INTS14: variants seen among roughly 807,000 people sequenced by gnomAD.
INTS14 encodes UPF0464 protein C15orf44.
INTS14 carries 27 observed loss-of-function variants against 56.9 expected under a neutral mutation model. That is an observed-to-expected ratio of 0.47 (90% confidence interval 0.35 to 0.65). The LOEUF is 0.65. Among genes scored for constraint, INTS14 ranks in the 30% least tolerant of loss-of-function variants. INTS14 has a pLI of 0.00. For synonymous variants in INTS14, 207 were observed against 236.2 expected, an observed-to-expected ratio of 0.88 and a Z score of 1.13; for missense variants, 517 against 632.2, an observed-to-expected ratio of 0.82 and a Z score of 1.95.
chr15:65,599,737 T>C, intron 4 of INTS14, 37 bp downstream of exon 4: 4 of 1,605,118 alleles, frequency 2.5e-6, no homozygotes, highest in Non-Finnish European at 2.6e-6. Flanking sequence ...CTGTAAAATA[T>C]GCCTAATCAA....
chr15:65,608,514 G>A (rs577567759), intron 1 of INTS14, among the ~76,000 whole-genome samples: 1 of 151,912 alleles, frequency 6.6e-6, no homozygotes, highest in Non-Finnish European at 1.5e-5. Context: ...AAATAAAAAA[G>A]TTTACAGATA....
In INTS14 at chr15:65,581,547, C is replaced by CAAAAAAAA. The variant is rs57782914; in HGVS notation, c.1305+399_1305+406dup. On this transcript the variant is annotated intron_variant, in intron 11 of 11. Transcript: ENST00000313182. ...TGGGCAACAGAGTGTGACTCCATCT[C>CAAAAAAAA]AAAAAAAAAAAAAAAAAAAAAAAAA... is the stretch of plus-strand genomic sequence containing the variant. 5.2e-4 allele frequency among the ~76,000 whole-genome samples: 25 copies of CAAAAAAAA among 47,770 alleles called. 2 individuals carry two copies. The highest frequency in any genetic ancestry group is 1.8e-3 in the African/African-American group (22 of 11,936). 31.3% of individuals were successfully genotyped at this position (47,770 alleles called of 152,430 possible).
At chr15:65,580,187 C>T (rs527866935) in intron 11 of INTS14, among the ~76,000 whole-genome samples, 1 of 152,052 alleles carries the variant, frequency 6.6e-6, no homozygotes, top group African/African-American at 2.4e-5. Context: ...CCCCAACAAC[C>T]CCTTAGTGGA....
Position 65,607,376 on chromosome 15 carries a change from G to C in INTS14, c.5C>G (p.Pro2Arg). 3 of 1,614,098 alleles carry C rather than the reference G, an allele frequency of 1.9e-6. No individual in the cohort carries two copies. Among genetic ancestry groups the C allele is most frequent in the Non-Finnish European group, 2.5e-6 (3 of 1,180,030 alleles). Residue 2 changes from proline (P) to arginine (R), a missense_variant, in exon 2 of 12, where the codon CCG becomes CGG. Coordinates refer to ENST00000313182, the MANE Select transcript of INTS14 (RefSeq NM_001394796.1). M[P>R]TVVVMDVSLS... ...GGATACATCCATTACCACCACTGTCGGCATGATGAAAATGATCCCAGTGTT... is the reference window on the plus strand; with the variant it reads ...GGATACATCCATTACCACCACTGTCCGCATGATGAAAATGATCCCAGTGTT...
rs2073927452 is a variant in INTS14 at position 65,611,100 on chromosome 15, C to A, written c.-65G>T. The A allele has an allele frequency of 6.5e-7, 1 of 1,535,530 alleles. No homozygotes were observed. The highest frequency in any genetic ancestry group is 1.4e-5 in the African/African-American group (1 of 72,900). On this transcript the variant is annotated splice_region_variant and 5_prime_UTR_variant, in exon 1 of 12. Transcript: ENST00000313182. Reference sequence around the variant, plus strand: ...GGGCCCTCGGCCTCCCCACTCACCCCGTGCCCATCGCCGGACACAGTCCGT... The same window carrying A: ...GGGCCCTCGGCCTCCCCACTCACCCAGTGCCCATCGCCGGACACAGTCCGT...
chr15:65,598,210 A>AAT, intron 6 of INTS14, 111 bp downstream of exon 6: 1 of 1,112,316 alleles, frequency 9.0e-7, no homozygotes, highest in Non-Finnish European at 1.3e-6. Flanking sequence ...CCTGTACCAC[A>AAT]ATATATATTT....
intron 9 of INTS14, among the ~76,000 whole-genome samples, chr15:65,588,672 A>T (rs80289479): frequency 8.7e-5 from 11 of 125,756 alleles, no homozygotes; most frequent in African/African-American, 3.1e-4. Flanking sequence ...TGTCTCAATT[A>T]AAAAAAAAAA....
chr15:65,593,626 A>G (rs2073109331), intron 7 of INTS14, 54 bp from the exon 8 acceptor site: 1 of 1,577,270 alleles, frequency 6.3e-7, no homozygotes, highest in Non-Finnish European at 8.6e-7. Context: ...AAAACCCCAA[A>G]CCCCAATTTA....
At chr15:65,596,929 G>C (rs1210993404) in intron 6 of INTS14, among the ~76,000 whole-genome samples, 1 of 152,140 alleles carries the variant, frequency 6.6e-6, no homozygotes, top group Non-Finnish European at 1.5e-5. Flanking sequence ...CCTTAGCTGA[G>C]TAATAAATGC....
Position 65,607,372 on chromosome 15 carries a change from T to C in INTS14, c.9A>G (p.Thr3=). The change falls in exon 2 of 12, where the codon ACA becomes ACG. Residue 3 remains threonine, a synonymous_variant. Coordinates refer to ENST00000313182, the MANE Select transcript of INTS14 (RefSeq NM_001394796.1). MP[T]VVVMDVSLSM... ...AAAGGGATACATCCATTACCACCAC[T>C]GTCGGCATGATGAAAATGATCCCAG... 3 of 1,614,208 alleles carry C rather than the reference T, an allele frequency of 1.9e-6. No homozygotes were observed. Among genetic ancestry groups the C allele is most frequent in the Non-Finnish European group, 2.5e-6 (3 of 1,180,038 alleles).
chr15:65,604,050 C>T (rs748436604), intron 3 of INTS14, among the ~76,000 whole-genome samples: 2 of 152,184 alleles, frequency 1.3e-5, no homozygotes, highest in African/African-American at 4.8e-5. Flanking sequence ...ACTAATGTGG[C>T]CTACTGTGGA....
chr15:65,589,946 A>G (rs2072964258), intron 9 of INTS14, among the ~76,000 whole-genome samples: 2 of 152,114 alleles, frequency 1.3e-5, no homozygotes, highest in Non-Finnish European at 2.9e-5. Context: ...CACGAACTCA[A>G]CATAAACAAA....
At chr15:65,601,309 C>T (rs1392198083) in intron 3 of INTS14, among the ~76,000 whole-genome samples, 2 of 152,118 alleles carry the variant, frequency 1.3e-5, no homozygotes, top group Non-Finnish European at 2.9e-5. Context: ...CTCTCCCTAG[C>T]CTAGTCCAGT....
intron 9 of INTS14, among the ~76,000 whole-genome samples, chr15:65,590,730 G>C (rs1031819393): frequency 4.6e-5 from 7 of 152,178 alleles, no homozygotes; most frequent in African/African-American, 1.7e-4. Context: ...ACTAGACTTT[G>C]AACAACTCCA....
intron 3 of INTS14, among the ~76,000 whole-genome samples, chr15:65,602,809 AG>A (rs1470132508): frequency 2.6e-5 from 4 of 152,118 alleles, no homozygotes; most frequent in African/African-American, 9.7e-5. Flanking sequence ...CTGGGATTAC[AG>A]GTATGCGCCA....
At chr15:65,594,736 T>C (rs971857828) in intron 7 of INTS14, among the ~76,000 whole-genome samples, 16 of 152,100 alleles carry the variant, frequency 1.1e-4, no homozygotes, top group South Asian at 4.2e-4. Flanking sequence ...TATTCCCCTA[T>C]ATAAATGGTT....
In INTS14 at chr15:65,595,824, A is replaced by C; in HGVS notation, c.750T>G (p.Asp250Glu). 10 of 1,596,674 alleles carry C rather than the reference A, an allele frequency of 6.3e-6. No individual in the cohort carries two copies. Among genetic ancestry groups the C allele is most frequent in the Non-Finnish European group, 8.5e-6 (10 of 1,173,226 alleles). Residue 250 changes from aspartate (D) to glutamate (E), a missense_variant and splice_region_variant, in exon 7 of 12, where the codon GAT becomes GAG. Transcript: ENST00000313182. The part of the protein sequence containing the change: ...IDPIPKVINT[D>E]LEIVGFIDIA... ...TATCAATAAATCCCACTATTTCCAA[A>C]TCTGAAATGAAGGAATCAACACAGA...
In INTS14 at chr15:65,610,899, T is replaced by C. The variant is rs934990937; in HGVS notation, c.-63+199A>G. 6 of 1,466,620 alleles carry C rather than the reference T, an allele frequency of 4.1e-6. No homozygotes were observed. In the African/African-American group the frequency reaches 7.1e-5, roughly 17 times the overall value. 90.9% of individuals were successfully genotyped at this position (1,466,620 alleles called of 1,614,324 possible). On this transcript the variant is annotated intron_variant, in intron 1 of 11. Coordinates refer to ENST00000313182, the MANE Select transcript of INTS14 (RefSeq NM_001394796.1). ...CGAAATCGTGCAGTTTACGCGGAGC[T>C]GGGGACCCCGAGCCTCAGAGCGAGG...
chr15:65,606,153 G>A (rs140049290), intron 2 of INTS14, among the ~76,000 whole-genome samples: 4,334 of 151,718 alleles, frequency 0.029, 217 homozygotes, highest in African/African-American at 0.099. Context: ...TATTCGGAAG[G>A]CTGAGGCAGG....
Sources: allele counts gnomAD v4.1 joint callset (sites outside exome capture counted in the v4.1 genomes callset), GRCh38; gene constraint gnomAD v4.1.1; transcripts MANE v1.5; gene names NCBI Gene and HGNC (gene_info 2026-07-23, HGNC 2026-07-21).